The following KLHL41 variants were observed in gnomAD, a reference collection of about 807,000 sequenced individuals.
The protein encoded by KLHL41 is kelch like family member 41, also known as kelch-like protein 41.
KLHL41 carries 31 observed loss-of-function variants against 49.2 expected under a neutral mutation model. That is an observed-to-expected ratio of 0.63 (90% CI 0.47 to 0.85). The LOEUF is 0.85. Among genes scored for constraint, KLHL41 ranks in the 40% least tolerant of loss-of-function variants. The pLI is 0.00. For missense variants in KLHL41, 663 were observed against 726.7 expected, an observed-to-expected ratio of 0.91 and a Z score of 1.01; for synonymous variants, 218 against 258.5, an observed-to-expected ratio of 0.84 and a Z score of 1.50.
chr2:169,522,705 A>ATTTTTTTTTT (rs60635668), intron 5 of KLHL41, among the ~76,000 whole-genome samples: 14 of 50,126 alleles, frequency 2.8e-4, no homozygotes, highest in East Asian at 7.5e-4. Context: ...CTTCCCAGTG[A>ATTTTTTTTTT]TTTTTTTTTT....
Position 169,509,730 on chromosome 2 carries a change from A to G in KLHL41, c.-49A>G. 6.4e-7 allele frequency: 1 copy of G among 1,551,806 alleles called. No individual in the cohort carries two copies. Among genetic ancestry groups the G allele is most frequent in the Non-Finnish European group, 8.7e-7 (1 of 1,155,348 alleles). ...TTTACAGCTAGACCTGTGTGCTGCA[A>G]GGAGCTAAGGCCTTCAGTGTCCCCT... is the stretch of plus-strand genomic sequence containing the variant. On this transcript the variant is annotated 5_prime_UTR_variant, in exon 1 of 6. Transcript: ENST00000284669.
At chr2:169,520,809 C>T (rs372590635) in intron 4 of KLHL41, 52 bp from the exon 5 acceptor site, 94 of 1,353,430 alleles carry the variant, frequency 6.9e-5, no homozygotes, top group Non-Finnish European at 9.5e-5. Context: ...TCAGTAAGTA[C>T]ATCTGGCATT....
At position 169,510,091 on chromosome 2, in the gene KLHL41, G is replaced by C; in HGVS notation, c.313G>C (p.Asp105His). 1 of 1,614,144 alleles carries C rather than the reference G, an allele frequency of 6.2e-7. No homozygotes were observed. Among genetic ancestry groups the C allele is most frequent in the South Asian group, 1.1e-5 (1 of 91,076 alleles). ...TGATCTCAATGACGGAAATGTGCAA[G>C]ATATTTTTGCATTGGCCAGCCGCTT... ...SIDLNDGNVQ[D>H]IFALASRFQI... The change falls in exon 1 of 6, where the codon GAT becomes CAT. Residue 105 changes from aspartate to histidine, a missense_variant. Physicochemically the swap from Asp to His is moderately conservative, Grantham distance 81. Transcript: ENST00000284669. This position sits in a 1 kb window ranked among gnomAD's most constrained non-coding sequence, Gnocchi z 4.2.
At chr2:169,524,259 G>A (rs1044886269) in intron 5 of KLHL41, among the ~76,000 whole-genome samples, 4 of 151,758 alleles carry the variant, frequency 2.6e-5, no homozygotes, top group Non-Finnish European at 5.9e-5. Flanking sequence ...AATATTTTTT[G>A]TATGCTTTCC....
In KLHL41 at chr2:169,524,578, A is replaced by G. The variant is rs373693127; in HGVS notation, c.1710-1007A>G. Among the ~76,000 whole-genome samples, 7 of 151,860 alleles carry G rather than the reference A, an allele frequency of 4.6e-5. No individual in the cohort carries two copies. In the East Asian group the frequency reaches 1.2e-3, roughly 25 times the overall value. ...ATGCCTGGCTAATTTTTATATTTTT[A>G]GTAGAGACGGGGTTTTGCCATATTG... On this transcript the variant is annotated intron_variant, in intron 5 of 5. Transcript: ENST00000284669.
In KLHL41 at chr2:169,510,850, G is replaced by C; in HGVS notation, c.1072G>C (p.Glu358Gln). The C allele has an allele frequency of 6.2e-7, 1 of 1,613,886 alleles. No individual in the cohort carries two copies. The highest frequency in any genetic ancestry group is 1.1e-5 in the South Asian group (1 of 91,042). Residue 358 changes from glutamate to glutamine, a missense_variant, in exon 1 of 6, where the codon GAA (glutamate) becomes CAA (glutamine). Glu to Gln is a conservative substitution (Grantham distance 29, BLOSUM62 2). Coordinates refer to ENST00000284669, the MANE Select transcript of KLHL41 (RefSeq NM_006063.3). The surrounding 1 kb of genome is among the most constrained non-coding windows in gnomAD (Gnocchi z 4.2). ...YVVGGLYVDE[E>Q]NKDQPLQSYF... ...GGTAGGAGGACTATATGTGGATGAAGAAAATAAGGATCAACCTCTACAGTC... is the reference window on the plus strand; with the variant it reads ...GGTAGGAGGACTATATGTGGATGAACAAAATAAGGATCAACCTCTACAGTC...
Position 169,514,648 on chromosome 2 carries a change from G to C in KLHL41, c.1185G>C (p.Glu395Asp), listed in dbSNP as rs1409328668. ...PSARCLFGLG[E>D]VDDKIYVVAG... The stretch of plus-strand genomic sequence containing the variant: ...CCAGGTGTCTCTTCGGTCTGGGAGA[G>C]GTGGATGATAAAATCTATGTAGTTG... The change falls in exon 2 of 6, where the codon GAG becomes GAC. Residue 395 changes from glutamate (E) to aspartate (D), a missense_variant. Coordinates refer to ENST00000284669, the MANE Select transcript of KLHL41 (RefSeq NM_006063.3). 3 of 1,613,736 alleles carry C rather than the reference G, an allele frequency of 1.9e-6. No homozygotes were observed. The highest frequency in any genetic ancestry group is 2.5e-6 in the Non-Finnish European group (3 of 1,179,878).
intron 1 of KLHL41, among the ~76,000 whole-genome samples, chr2:169,511,933 T>A (rs1684034479): frequency 6.6e-6 from 1 of 152,258 alleles, no homozygotes; most frequent in Non-Finnish European, 1.5e-5. Flanking sequence ...TTAACCTTTG[T>A]CTTCCATAAT....
At chr2:169,525,447 C>A in intron 5 of KLHL41, 138 bp from the exon 6 acceptor site, 1 of 599,566 alleles carries the variant, frequency 1.7e-6, no homozygotes. Flanking sequence ...TATTTAAGTT[C>A]TGTTCTACCA....
rs755342152 is a variant in KLHL41 at position 169,514,878 on chromosome 2, A to G, written c.1293A>G (p.Lys431=). ...DPVAAKWNEV[K]KLPIKVYGHN... ...GGGCTGCAAAATGGAACGAAGTAAA[A>G]AAACTCCCTATCAAAGTCTATGGCC... is the stretch of plus-strand genomic sequence containing the variant. Residue 431 remains lysine, a synonymous_variant, in exon 3 of 6, where the codon AAA becomes AAG. Transcript: ENST00000284669. 4.3e-6 allele frequency: 7 copies of G among 1,609,668 alleles called. No homozygotes were observed. Among genetic ancestry groups the G allele is most frequent in the Non-Finnish European group, 5.9e-6 (7 of 1,178,944 alleles).
rs201340953 is a variant in KLHL41, at chr2:169,520,008, T to C, written c.1563-853T>C. Among the ~76,000 whole-genome samples, 34 of 151,664 alleles carry C rather than the reference T, an allele frequency of 2.2e-4. No individual in the cohort carries two copies. In the East Asian group the frequency reaches 2.7e-3, roughly 12 times the overall value. On this transcript the variant is annotated intron_variant, in intron 4 of 5. Transcript: ENST00000284669. ...TGCCTGTGCTCCTTGAATTTTTTTT[T>C]CCCCCCTTAAAGACAGGGTTTTGCT...
chr2:169,525,420 A>C (rs1244230759), intron 5 of KLHL41, among the ~76,000 whole-genome samples, 165 bp from the exon 6 acceptor site: 1 of 152,200 alleles, frequency 6.6e-6, no homozygotes, highest in Admixed American at 6.5e-5. Flanking sequence ...TCATCCAGAC[A>C]ATGCATATTT....
At position 169,514,870 on chromosome 2, in the gene KLHL41, G is replaced by A. The variant is rs766932607; in HGVS notation, c.1285G>A (p.Glu429Lys). The A allele has an allele frequency of 9.3e-6, 15 of 1,607,006 alleles. No individual in the cohort carries two copies. Among genetic ancestry groups the A allele is most frequent in the Non-Finnish European group, 1.1e-5 (13 of 1,178,030 alleles). ...TAATTTTAGGGCTGCAAAATGGAACGAAGTAAAAAAACTCCCTATCAAAGT... is the reference window on the plus strand; with the variant it reads ...TAATTTTAGGGCTGCAAAATGGAACAAAGTAAAAAAACTCCCTATCAAAGT... ...CYDPVAAKWN[E>K]VKKLPIKVYG... The change falls in exon 3 of 6, where the codon GAA becomes AAA. Residue 429 changes from glutamate (E) to lysine (K), a missense_variant. By Grantham distance (56) the Glu-to-Lys change is moderately conservative. Transcript: ENST00000284669.
chr2:169,518,892 C>A (rs1009315587), intron 4 of KLHL41, among the ~76,000 whole-genome samples: 15 of 152,094 alleles, frequency 9.9e-5, no homozygotes, highest in African/African-American at 3.6e-4. Flanking sequence ...GTTGTCCATA[C>A]TGGTCTCTAA....
At chr2:169,521,915 T>TA (rs1033998685) in intron 5 of KLHL41, among the ~76,000 whole-genome samples, 10 of 149,904 alleles carry the variant, frequency 6.7e-5, no homozygotes, top group South Asian at 2.1e-4. Context: ...GTGAGGCTAT[T>TA]AAAAAAAAAG....
chr2:169,514,040 A>G (rs1684069412), intron 1 of KLHL41, among the ~76,000 whole-genome samples: 1 of 152,234 alleles, frequency 6.6e-6, no homozygotes, highest in Non-Finnish European at 1.5e-5. Context: ...AGCAAAACAC[A>G]GAGAACCTAA....
intron 3 of KLHL41, among the ~76,000 whole-genome samples, chr2:169,516,807 A>C (rs143169962): frequency 0.038 from 5,749 of 152,258 alleles, 140 homozygotes; most frequent in East Asian, 0.11. Context: ...GGATCACCTG[A>C]GGTCGGGAAT....
Position 169,509,758 on chromosome 2 carries a change from C to T in KLHL41, c.-21C>T. ...AGCTAAGGCCTTCAGTGTCCCCTTC[C>T]TTACCCAGGTTTCTCACAGAATGGA... On this transcript the variant is annotated 5_prime_UTR_variant, in exon 1 of 6. Transcript: ENST00000284669. 6.3e-7 allele frequency: 1 copy of T among 1,596,494 alleles called. No individual in the cohort carries two copies. Among genetic ancestry groups the T allele is most frequent in the Non-Finnish European group, 8.5e-7 (1 of 1,174,944 alleles).
rs1355752818 is a variant in KLHL41, at chr2:169,525,757, T to C, written c.*61T>C. The C allele has an allele frequency of 2.2e-6, 2 of 923,778 alleles. No homozygotes were observed. The highest frequency in any genetic ancestry group is 4.9e-5 in the East Asian group (2 of 40,828). The allele number at this position is 923,778 out of a possible 1,614,324, so 57.2% of individuals were successfully genotyped here. On this transcript the variant is annotated 3_prime_UTR_variant, in exon 6 of 6. Transcript: ENST00000284669. ...TTGTTTGGTGAATGGGGCTTTAATT[T>C]ATTCTGTTTTTTAAAAGCTTGTACA... is the stretch of plus-strand genomic sequence containing the variant.
Sources: gnomAD v4.1 joint callset for allele counts (sites outside exome capture counted in the v4.1 genomes callset) on GRCh38, gnomAD v4.1.1 for gene constraint, Gnocchi (gnomAD v3.1) non-coding constraint, MANE v1.5 for transcripts, NCBI Gene and HGNC (gene_info 2026-07-23, HGNC 2026-07-21) for gene names.